Variants in ARL14EP observed in about 807,000 individuals in gnomAD.
ARL14EP encodes the protein ARF like GTPase 14 effector protein.
In ARL14EP, 12 loss-of-function variants were observed where a neutral mutation model predicts 23.1. That is an observed-to-expected ratio of 0.52 (90% confidence interval 0.33 to 0.84). The LOEUF (loss-of-function observed/expected upper bound fraction) is 0.84. ARL14EP is among the 40% of genes least tolerant of loss of function. The pLI, the probability that ARL14EP is intolerant of heterozygous loss-of-function variation, is 0.02. For synonymous variants in ARL14EP, 97 were observed against 102.0 expected, an observed-to-expected ratio of 0.95 and a Z score of 0.29; for missense variants, 253 against 307.3, an observed-to-expected ratio of 0.82 and a Z score of 1.32.
Position 30,337,056 on chromosome 11 carries a change from T to C in ARL14EP, c.*261T>C. ...CAGTCCTCTATTTGCATGTTTCCCA[T>C]GGGCACAAATTTCAGTGACCTAGAT... is the stretch of plus-strand genomic sequence containing the variant. On this transcript the variant is annotated 3_prime_UTR_variant, in exon 4 of 4. Transcript: ENST00000282032. The C allele has an allele frequency of 4.8e-6, 2 of 412,858 alleles. No homozygotes were observed. The highest frequency in any genetic ancestry group is 4.7e-5 in the East Asian group (1 of 21,272). The allele number at this position is 412,858 out of a possible 1,614,324, so 25.6% of individuals were successfully genotyped here. A position where few individuals can be genotyped will look rare whatever the true frequency, so the allele number is the denominator to read the frequency against.
At chr11:30,334,396 T>A (rs1424678853) in intron 3 of ARL14EP, among the ~76,000 whole-genome samples, 1 of 151,932 alleles carries the variant, frequency 6.6e-6, no homozygotes, top group African/African-American at 2.4e-5. Context: ...TTTGTATTTT[T>A]AGTAGAGACG....
intron 1 of ARL14EP, chr11:30,329,497 C>T (rs1472948582): frequency 6.6e-6 from 1 of 152,182 alleles, no homozygotes; most frequent in Non-Finnish European, 1.5e-5. Context: ...TATGCTTCCT[C>T]AGTTTTACAA....
At chr11:30,324,151 T>A (rs1947218292) in intron 1 of ARL14EP, among the ~76,000 whole-genome samples, 1 of 152,136 alleles carries the variant, frequency 6.6e-6, no homozygotes, top group South Asian at 2.1e-4. Flanking sequence ...AGCTCCTGAT[T>A]TGGGGAGTAG....
chr11:30,333,270 A>C (rs1352439520), intron 3 of ARL14EP, among the ~76,000 whole-genome samples: 1 of 152,248 alleles, frequency 6.6e-6, no homozygotes, highest in Non-Finnish European at 1.5e-5. Context: ...CACTTATTTG[A>C]AAAGCATTGT....
At chr11:30,324,635 T>A (rs1239501166) in intron 1 of ARL14EP, among the ~76,000 whole-genome samples, 1 of 152,190 alleles carries the variant, frequency 6.6e-6, no homozygotes, top group East Asian at 1.9e-4. Flanking sequence ...GTGTGAGTTT[T>A]CTCAGCTTCC....
intron 1 of ARL14EP, among the ~76,000 whole-genome samples, chr11:30,324,131 C>T (rs1947218027): frequency 6.6e-6 from 1 of 152,016 alleles, no homozygotes. Context: ...GCGTATGTAC[C>T]CATAACTAAA....
rs534874710 is a variant in ARL14EP at position 30,336,981 on chromosome 11, G to T, written c.*186G>T. 1 of 631,110 alleles carries T rather than the reference G, an allele frequency of 1.6e-6. No individual in the cohort carries two copies. The highest frequency in any genetic ancestry group is 2.8e-6 in the Non-Finnish European group (1 of 360,482). The allele number at this position is 631,110 out of a possible 1,614,324, so 39.1% of individuals were successfully genotyped here. A position where few individuals can be genotyped will look rare whatever the true frequency, so the allele number is the denominator to read the frequency against. ...ATAAATTCAGATAGGCTATTTTTCAGTAGTCAGCGTTAAGCCTGTCTGGAT... is the reference window on the plus strand; with the variant it reads ...ATAAATTCAGATAGGCTATTTTTCATTAGTCAGCGTTAAGCCTGTCTGGAT... On this transcript the variant is annotated 3_prime_UTR_variant, in exon 4 of 4. Transcript: ENST00000282032.
In ARL14EP at chr11:30,337,836, GT is replaced by G; in HGVS notation, c.*1046del. 1 of 152,064 alleles carries G rather than the reference GT, an allele frequency of 6.6e-6. No individual in the cohort carries two copies. The highest frequency in any genetic ancestry group is 1.5e-5 in the Non-Finnish European group (1 of 67,982). The allele number at this position is 152,064 out of a possible 1,614,324, so 9.4% of individuals were successfully genotyped here. A position where few individuals can be genotyped will look rare whatever the true frequency, so the allele number is the denominator to read the frequency against. ...AGGCAAGCCCTATTCAAACTACTTT[GT>G]TTTTACAATGAAATAAAACACTTTA... On this transcript the variant is annotated 3_prime_UTR_variant, in exon 4 of 4. Transcript: ENST00000282032.
chr11:30,336,763 G>A lies in ARL14EP; in HGVS notation c.751G>A (p.Gly251Arg), dbSNP rs1435697495. ...GTATGAGCAAATTGAAATTGAAGGAGGAGAAATAATTCATAATAAACATGC... is the reference window on the plus strand; with the variant it reads ...GTATGAGCAAATTGAAATTGAAGGAAGAGAAATAATTCATAATAAACATGC... Reference protein sequence around the residue: ...WLYEQIEIEGGEIIHNKHAG With the variant: ...WLYEQIEIEGREIIHNKHAG Residue 251 changes from glycine to arginine, a missense_variant, in exon 4 of 4, where the codon GGA becomes AGA. Coordinates refer to ENST00000282032, the MANE Select transcript of ARL14EP (RefSeq NM_152316.3). 6.2e-7 allele frequency: 1 copy of A among 1,614,026 alleles called. No homozygotes were observed. Among genetic ancestry groups the A allele is most frequent in the Admixed American group, 1.7e-5 (1 of 59,998 alleles).
At chr11:30,326,073 A>G (rs1156785747) in intron 1 of ARL14EP, among the ~76,000 whole-genome samples, 1 of 152,162 alleles carries the variant, frequency 6.6e-6, no homozygotes, top group Non-Finnish European at 1.5e-5. Flanking sequence ...CTCTCCCTCA[A>G]TAATCTTCCC....
In ARL14EP at chr11:30,330,960, A is replaced by C. The variant is rs1174680610; in HGVS notation, c.12A>C (p.Pro4=). The change falls in exon 2 of 4, where the codon CCA becomes CCC. Residue 4 remains proline, a synonymous_variant. Coordinates refer to ENST00000282032, the MANE Select transcript of ARL14EP (RefSeq NM_152316.3). ...TGCTAGAATCAAGAATGATGGATCC[A>C]TGTTCAGTTGGAGTCCAGCTTCGTA... MMD[P]CSVGVQLRTT... The C allele has an allele frequency of 1.2e-6, 2 of 1,613,590 alleles. No homozygotes were observed. The highest frequency in any genetic ancestry group is 1.7e-6 in the Non-Finnish European group (2 of 1,179,722).
chr11:30,329,388 C>T (rs1452316450), intron 1 of ARL14EP: 1 of 152,112 alleles, frequency 6.6e-6, no homozygotes, highest in African/African-American at 2.4e-5. Flanking sequence ...CTGCCAAAGG[C>T]AGTGAATGCT....
At chr11:30,333,169 T>G (rs537805439) in intron 3 of ARL14EP, among the ~76,000 whole-genome samples, 176 bp downstream of exon 3, 3 of 152,340 alleles carry the variant, frequency 2.0e-5, no homozygotes, top group Admixed American at 2.0e-4. Context: ...GGTATCCCTT[T>G]CAACTACAAA....
At chr11:30,329,295 A>G (rs1947264592) in intron 1 of ARL14EP, 1 of 145,722 alleles carries the variant, frequency 6.9e-6, no homozygotes, top group African/African-American at 2.8e-5. Context: ...CATGTAGTTT[A>G]TTCATTTTAA....
intron 3 of ARL14EP, among the ~76,000 whole-genome samples, chr11:30,334,507 C>T (rs1181072295): frequency 6.6e-6 from 1 of 152,200 alleles, no homozygotes; most frequent in East Asian, 1.9e-4. Context: ...AGCCACCACG[C>T]CCAGCCAACA....
At chr11:30,334,333 A>T (rs1356387774) in intron 3 of ARL14EP, among the ~76,000 whole-genome samples, 1 of 149,654 alleles carries the variant, frequency 6.7e-6, no homozygotes, top group African/African-American at 2.5e-5. Context: ...CTTCTGCCTC[A>T]ACCTCTTGGG....
intron 1 of ARL14EP, among the ~76,000 whole-genome samples, chr11:30,326,621 A>G (rs1438529726): frequency 6.6e-6 from 1 of 152,184 alleles, no homozygotes; most frequent in Non-Finnish European, 1.5e-5. Context: ...ACATTGAGGA[A>G]TATAACAGAG....
At chr11:30,329,418 T>C (rs1030466992) in intron 1 of ARL14EP, 1 of 152,180 alleles carries the variant, frequency 6.6e-6, no homozygotes, top group Non-Finnish European at 1.5e-5. Flanking sequence ...CGTATATAAC[T>C]TGTGCTCTTA....
intron 3 of ARL14EP, among the ~76,000 whole-genome samples, chr11:30,335,605 A>G (rs1405739998): frequency 6.6e-6 from 1 of 152,208 alleles, no homozygotes; most frequent in Non-Finnish European, 1.5e-5. Context: ...CAAAAAAACT[A>G]CAACTCATTG....
Sources: gnomAD v4.1 joint callset for allele counts (sites outside exome capture counted in the v4.1 genomes callset) on GRCh38, gnomAD v4.1.1 for gene constraint, MANE v1.5 for transcripts, NCBI Gene and HGNC (gene_info 2026-07-23, HGNC 2026-07-21) for gene names.